Variants in REC114 observed in about 807,000 individuals in gnomAD.
The protein encoded by REC114 is meiotic recombination protein REC114.
Under a neutral mutation model 31.3 loss-of-function variants are expected in REC114, and 27 were observed. The ratio of observed to expected loss-of-function variants is 0.86; its 90% CI spans 0.64 to 1.19. The LOEUF (loss-of-function observed/expected upper bound fraction) is 1.19. REC114 is among the 50% of genes most tolerant of loss of function. The pLI is 0.00. For synonymous variants in REC114, 134 were observed against 127.7 expected (o/e 1.05, Z -0.33); for missense variants, 344 against 326.9 (o/e 1.05, Z -0.40).
intron 2 of REC114, among the ~76,000 whole-genome samples, chr15:73,523,933 T>C (rs547183010): frequency 6.6e-6 from 1 of 152,330 alleles, no homozygotes; most frequent in East Asian, 1.9e-4. Context: ...CCCAGCACCA[T>C]TTTTTGAAGA....
intron 2 of REC114, among the ~76,000 whole-genome samples, chr15:73,482,419 C>T (rs1199785841): frequency 6.6e-6 from 1 of 152,194 alleles, no homozygotes. Flanking sequence ...TTGCCTTCTG[C>T]CATGATTGGG....
At chr15:73,550,828 T>G (rs1450857531) in intron 3 of REC114, 110 bp from the exon 4 acceptor site, 2 of 954,124 alleles carry the variant, frequency 2.1e-6, no homozygotes, top group African/African-American at 3.3e-5. Context: ...GACTGTTCCC[T>G]TATCTATACC....
intron 1 of REC114, among the ~76,000 whole-genome samples, chr15:73,464,083 C>T (rs1016531394): frequency 1.3e-5 from 2 of 151,894 alleles, no homozygotes; most frequent in Non-Finnish European, 2.9e-5. Flanking sequence ...TTTTCTCCCT[C>T]TACTTTAGAC....
At chr15:73,521,621 T>C (rs559918590) in intron 2 of REC114, among the ~76,000 whole-genome samples, 11 of 152,116 alleles carry the variant, frequency 7.2e-5, no homozygotes, top group African/African-American at 2.6e-4. Flanking sequence ...AGAGAAGATA[T>C]AATATTAGGA....
chr15:73,444,563 A>T (rs1892741989), intron 1 of REC114, among the ~76,000 whole-genome samples: 1 of 152,176 alleles, frequency 6.6e-6, no homozygotes, highest in African/African-American at 2.4e-5. Context: ...TTCCAATTCT[A>T]GTTCTCTTGC....
intron 3 of REC114, among the ~76,000 whole-genome samples, chr15:73,544,423 A>G (rs1435785643): frequency 1.3e-5 from 2 of 152,244 alleles, no homozygotes; most frequent in South Asian, 2.1e-4. Flanking sequence ...TTCCTTTTAT[A>G]GCAATTTAAT....
At chr15:73,509,759 C>T (rs1430123140) in intron 2 of REC114, among the ~76,000 whole-genome samples, 7 of 150,050 alleles carry the variant, frequency 4.7e-5, no homozygotes, top group African/African-American at 1.5e-4. Context: ...TGTAGGTATG[C>T]GGCGTTATTT....
At chr15:73,480,337 TTAAA>T (rs1378641075) in intron 2 of REC114, among the ~76,000 whole-genome samples, 1 of 151,548 alleles carries the variant, frequency 6.6e-6, no homozygotes, top group Non-Finnish European at 1.5e-5. Context: ...AATAAATTAT[TTAAA>T]TAAACAAATT....
chr15:73,466,261 T>G (rs1050416892), intron 1 of REC114, among the ~76,000 whole-genome samples: 3 of 152,058 alleles, frequency 2.0e-5, no homozygotes, highest in Non-Finnish European at 4.4e-5. Context: ...TTAAGTAAAA[T>G]TAAGCATTTC....
intron 2 of REC114, among the ~76,000 whole-genome samples, chr15:73,520,286 C>T (rs1474263185): frequency 3.9e-5 from 6 of 151,938 alleles, no homozygotes; most frequent in African/African-American, 1.5e-4. Context: ...GGCTGGAGTG[C>T]AGTGGCACAG....
chr15:73,481,690 A>G (rs928980331), intron 2 of REC114, among the ~76,000 whole-genome samples: 4 of 114,178 alleles, frequency 3.5e-5, no homozygotes, highest in African/African-American at 1.4e-4. Context: ...GCGGAGTCTC[A>G]CTCTGTCGCC....
chr15:73,505,145 CTG>C (rs1212911535), intron 2 of REC114, among the ~76,000 whole-genome samples: 5 of 152,152 alleles, frequency 3.3e-5, no homozygotes, highest in African/African-American at 1.2e-4. Flanking sequence ...ATCCCATTAA[CTG>C]TGCACAGCAC....
intron 1 of REC114, among the ~76,000 whole-genome samples, chr15:73,467,252 C>T (rs953229970): frequency 3.3e-5 from 5 of 152,118 alleles, no homozygotes; most frequent in African/African-American, 9.7e-5. Flanking sequence ...GTATTTTTAT[C>T]ACTGACATTG....
intron 2 of REC114, among the ~76,000 whole-genome samples, chr15:73,532,134 C>G (rs908845837): frequency 1.3e-5 from 2 of 151,578 alleles, no homozygotes; most frequent in African/African-American, 4.9e-5. Context: ...TCCCTCCCCC[C>G]TCGCCCCACC....
intron 2 of REC114, among the ~76,000 whole-genome samples, chr15:73,506,638 G>A (rs1182159089): frequency 1.3e-5 from 2 of 152,166 alleles, no homozygotes; most frequent in Non-Finnish European, 2.9e-5. Flanking sequence ...AACACTAAGT[G>A]CAATCATTTG....
chr15:73,449,497 G>A (rs1567845110), intron 1 of REC114, among the ~76,000 whole-genome samples: 1 of 152,148 alleles, frequency 6.6e-6, no homozygotes, highest in Non-Finnish European at 1.5e-5. Flanking sequence ...GGGACTATGT[G>A]AAAAGACCAA....
intron 1 of REC114, among the ~76,000 whole-genome samples, chr15:73,449,350 T>C (rs1317975686): frequency 6.6e-6 from 1 of 152,022 alleles, no homozygotes; most frequent in African/African-American, 2.4e-5. Context: ...TCATGAAGCA[T>C]ACACAAGTAT....
chr15:73,511,255 T>A (rs951946372), intron 2 of REC114, among the ~76,000 whole-genome samples: 7 of 152,180 alleles, frequency 4.6e-5, no homozygotes, highest in African/African-American at 1.7e-4. Flanking sequence ...TATTCTCTGA[T>A]GGTAGTTTGT....
chr15:73,469,212 CTGTAAT>C (rs1893101342), intron 1 of REC114, among the ~76,000 whole-genome samples: 1 of 152,170 alleles, frequency 6.6e-6, no homozygotes, highest in Non-Finnish European at 1.5e-5. Context: ...TAAAATCTGA[CTGTAAT>C]TGTGAACTTG....
Sources: gnomAD v4.1 joint callset for allele counts (sites outside exome capture counted in the v4.1 genomes callset) on GRCh38, gnomAD v4.1.1 for gene constraint, MANE v1.5 for transcripts, NCBI Gene and HGNC (gene_info 2026-07-23, HGNC 2026-07-21) for gene names.